CADPS: variants seen among roughly 807,000 people sequenced by gnomAD.
CADPS encodes the protein calcium-dependent secretion activator 1.
In CADPS, 57 loss-of-function variants were observed where a neutral mutation model predicts 167.3. The observed-to-expected ratio is 0.34, with a 90% CI of 0.28 to 0.42. CADPS has a LOEUF of 0.42. Ranked by LOEUF, CADPS falls within the 20% of genes least tolerant of loss-of-function variation. CADPS has a pLI of 1.00. For missense variants in CADPS, 1,414 were observed against 1,738.1 expected (o/e 0.81, Z 3.32); for synonymous variants, 676 against 635.3 (o/e 1.06, Z -0.96).
chr3:62,622,101 C>G (rs1282564432), intron 6 of CADPS, among the ~76,000 whole-genome samples: 2 of 152,064 alleles, frequency 1.3e-5, no homozygotes, highest in Admixed American at 1.3e-4. Flanking sequence ...TATTTTATTT[C>G]TCAGCTGCCT....
intron 1 of CADPS, among the ~76,000 whole-genome samples, chr3:62,782,804 G>T (rs1317895791): frequency 6.7e-6 from 1 of 148,382 alleles, no homozygotes; most frequent in Non-Finnish European, 1.5e-5. Context: ...CTGTTGCCCA[G>T]GCTGGAGTGC....
In CADPS at chr3:62,797,166, TTTTG is replaced by T. The variant is rs1391127194; in HGVS notation, c.442-31186_442-31183del. ...TTTGAGTTACTGTATGGTTTTTGTT[TTTTG>T]TTTTTTTTCCTCAGGGAGTGTCCAT... On this transcript the variant is annotated intron_variant, in intron 1 of 29. Transcript: ENST00000383710. 2.0e-5 allele frequency among the ~76,000 whole-genome samples: 3 copies of T among 152,058 alleles called. No homozygotes were observed. The South Asian group carries it at 6.3e-4, about 32-fold the overall frequency.
intron 7 of CADPS, among the ~76,000 whole-genome samples, chr3:62,589,858 A>G (rs2085517452): frequency 6.6e-6 from 1 of 152,290 alleles, no homozygotes. Context: ...TAGCCAGTCC[A>G]GAAAAATGCA....
rs1296905429 is a variant in CADPS, at chr3:62,849,503, T to C, written c.441+25086A>G. On this transcript the variant is annotated intron_variant, in intron 1 of 29. Transcript: ENST00000383710. ...TAGCATGAAGGGTTGTTGAATTTTA[T>C]CAAAGGCTTTTTCTGCATCTATTGA... Among the ~76,000 whole-genome samples the C allele has an allele frequency of 2.7e-5, 3 of 112,868 alleles. 1 individual carries two copies. The highest frequency in any genetic ancestry group is 2.6e-4 in the Admixed American group (3 of 11,692). 74.0% of individuals were successfully genotyped at this position (112,868 alleles called of 152,430 possible). A position where few individuals can be genotyped will look rare whatever the true frequency, so the allele number is the denominator to read the frequency against.
In CADPS at chr3:62,604,326, A is replaced by T. The variant is rs568079278; in HGVS notation, c.1326-11578T>A. 2.0e-5 allele frequency among the ~76,000 whole-genome samples: 3 copies of T among 152,130 alleles called. No homozygotes were observed. In the East Asian group the frequency reaches 5.8e-4, roughly 29 times the overall value. On this transcript the variant is annotated intron_variant, in intron 6 of 29. Coordinates refer to ENST00000383710, the MANE Select transcript of CADPS (RefSeq NM_003716.4). Reference sequence around the variant, plus strand: ...GGGCAGTGGTTTGCCCTGTAACCTCATTTCTGATGGATCTAAGAAGAGATG... The same window carrying T: ...GGGCAGTGGTTTGCCCTGTAACCTCTTTTCTGATGGATCTAAGAAGAGATG...
chr3:62,807,889 T>C (rs1292688878), intron 1 of CADPS, among the ~76,000 whole-genome samples: 2 of 151,846 alleles, frequency 1.3e-5, no homozygotes, highest in African/African-American at 2.4e-5. Flanking sequence ...CTTTCTTTTT[T>C]TTGAGACAGA....
intron 3 of CADPS, among the ~76,000 whole-genome samples, chr3:62,701,858 T>C (rs1455945911): frequency 6.6e-6 from 1 of 152,104 alleles, no homozygotes; most frequent in Non-Finnish European, 1.5e-5. Flanking sequence ...CAACTCACTA[T>C]GTCAAAAGGA....
At chr3:62,406,117 A>G (rs531721656) in intron 28 of CADPS, among the ~76,000 whole-genome samples, 1 of 152,338 alleles carries the variant, frequency 6.6e-6, no homozygotes, top group East Asian at 1.9e-4. Context: ...GGGATGGAGC[A>G]GTGTGTTTGC....
At chr3:62,518,389 T>A (rs1296253868) in intron 13 of CADPS, 139 bp from the exon 14 acceptor site, 1 of 638,824 alleles carries the variant, frequency 1.6e-6, no homozygotes. Flanking sequence ...GCCCAGCTAT[T>A]CAGGGCTAGC....
chr3:62,614,537 T>C (rs914415894), intron 6 of CADPS, among the ~76,000 whole-genome samples: 1 of 152,232 alleles, frequency 6.6e-6, no homozygotes, highest in African/African-American at 2.4e-5. Context: ...CTCCTTTATC[T>C]TGTCCCTTGC....
chr3:62,557,152 A>T (rs1012055886), intron 10 of CADPS, among the ~76,000 whole-genome samples: 1 of 151,926 alleles, frequency 6.6e-6, no homozygotes, highest in Non-Finnish European at 1.5e-5. Context: ...TAAAAGAAAA[A>T]TGCTCTTACT....
intron 9 of CADPS, among the ~76,000 whole-genome samples, chr3:62,568,207 T>C (rs1307426902): frequency 2.0e-5 from 3 of 152,214 alleles, no homozygotes. Context: ...TGATGGTTAA[T>C]ATTAGGTGTC....
At chr3:62,485,255 G>A (rs766727845) in intron 21 of CADPS, among the ~76,000 whole-genome samples, 5 of 151,448 alleles carry the variant, frequency 3.3e-5, no homozygotes, top group Non-Finnish European at 7.4e-5. Flanking sequence ...TCCAAACTTT[G>A]TGGGACTTTA....
intron 26 of CADPS, among the ~76,000 whole-genome samples, chr3:62,462,747 C>T (rs986544896): frequency 2.6e-5 from 4 of 152,200 alleles, no homozygotes; most frequent in African/African-American, 4.8e-5. Flanking sequence ...TTGCACAATA[C>T]CTGCTGCCTC....
chr3:62,718,721 G>A (rs1004918238), intron 3 of CADPS, among the ~76,000 whole-genome samples: 3 of 152,190 alleles, frequency 2.0e-5, no homozygotes, highest in African/African-American at 4.8e-5. Context: ...AAGACAGAGT[G>A]CAACCCACAT....
At chr3:62,716,899 G>A (rs2084765747) in intron 3 of CADPS, among the ~76,000 whole-genome samples, 1 of 152,154 alleles carries the variant, frequency 6.6e-6, no homozygotes, top group Non-Finnish European at 1.5e-5. Context: ...TTCTCCAAAT[G>A]TTAATGGTTC....
At chr3:62,810,895 G>T (rs371208354) in intron 1 of CADPS, among the ~76,000 whole-genome samples, 2 of 152,240 alleles carry the variant, frequency 1.3e-5, no homozygotes, top group East Asian at 3.8e-4. Flanking sequence ...CACAAAGGAG[G>T]CTATCAGTTA....
At chr3:62,534,411 C>T (rs968099885) in intron 12 of CADPS, among the ~76,000 whole-genome samples, 8 of 152,130 alleles carry the variant, frequency 5.3e-5, no homozygotes, top group African/African-American at 1.7e-4. Flanking sequence ...ATGCATCCAA[C>T]GAAAGACGGC....
In CADPS at chr3:62,562,854, G is replaced by C. The variant is rs150877712; in HGVS notation, c.1645-5341C>G. 3.6e-3 allele frequency among the ~76,000 whole-genome samples: 541 copies of C among 152,342 alleles called. 2 individuals are homozygous for C. The highest frequency in any genetic ancestry group is 0.012 in the African/African-American group (510 of 41,584). On this transcript the variant is annotated intron_variant, in intron 9 of 29. Coordinates refer to ENST00000383710, the MANE Select transcript of CADPS (RefSeq NM_003716.4). ...TCCTTGGTTGCAGTGACTGGTGCAA[G>C]GATTTGGCACCACACTGGGCCAAAG...
Sources: allele counts gnomAD v4.1 joint callset (sites outside exome capture counted in the v4.1 genomes callset), GRCh38; gene constraint gnomAD v4.1.1; transcripts MANE v1.5; gene names NCBI Gene and HGNC (gene_info 2026-07-23, HGNC 2026-07-21).